The following SST variants were observed in gnomAD, a reference collection of about 807,000 sequenced individuals.
SST encodes the protein somatostatin, also known as growth hormone release-inhibiting factor.
A neutral mutation model predicts 10.4 loss-of-function variants in SST; 7 were observed. The ratio of observed to expected loss-of-function variants is 0.67; its 90% CI spans 0.38 to 1.26. The LOEUF (loss-of-function observed/expected upper bound fraction) is 1.26, where lower values mean the gene tolerates loss of function less well. Among genes scored for constraint, SST ranks in the 50% most tolerant of loss-of-function variants. The probability of loss-of-function intolerance (pLI) is 0.02; values close to 1 mark genes in which losing one functional copy is unlikely to be tolerated. For missense variants in SST, 145 were observed against 140.8 expected (o/e 1.03, Z -0.15); for synonymous variants, 63 against 63.9 (o/e 0.99, Z 0.07).
rs773864919 is a variant in SST, at chr3:187,670,256, C to A, written c.36G>T (p.Ala12=). ...AGCCCAGGGCCAGGACGATGGACAGCGCAGCCAGCGCGCACTGGAGGCGGC... is the reference window on the plus strand; with the variant it reads ...AGCCCAGGGCCAGGACGATGGACAGAGCAGCCAGCGCGCACTGGAGGCGGC... ...LSCRLQCALA[A]LSIVLALGCV... The change falls in exon 1 of 2, where the codon GCG becomes GCT. Residue 12 remains alanine, a synonymous_variant. Coordinates refer to ENST00000287641, the MANE Select transcript of SST (RefSeq NM_001048.4). 2 of 1,592,808 alleles carry A rather than the reference C, an allele frequency of 1.3e-6. No individual in the cohort carries two copies. The highest frequency in any genetic ancestry group is 1.3e-5 in the African/African-American group (1 of 74,700).
chr3:187,669,559 A>AC (rs1553826038), intron 1 of SST, among the ~76,000 whole-genome samples: 4 of 145,230 alleles, frequency 2.8e-5, no homozygotes, highest in South Asian at 4.4e-4. Flanking sequence ...CACACGCACA[A>AC]ACACACACAC....
intron 1 of SST, 146 bp from the exon 2 acceptor site, chr3:187,669,423 A>T: frequency 1.4e-6 from 1 of 724,698 alleles, no homozygotes; most frequent in Non-Finnish European, 2.3e-6. Flanking sequence ...CACATTTAAA[A>T]TCAATCAAGG....
At chr3:187,669,481 G>T (rs895114618) in intron 1 of SST, among the ~76,000 whole-genome samples, 1 of 151,170 alleles carries the variant, frequency 6.6e-6, no homozygotes, top group East Asian at 1.9e-4. Context: ...ACACAAAAAG[G>T]CTTTAAGAGC....
In SST at chr3:187,670,320, G is replaced by A. The variant is rs1717210319; in HGVS notation, c.-29C>T. On this transcript the variant is annotated 5_prime_UTR_variant, in exon 1 of 2. Coordinates refer to ENST00000287641, the MANE Select transcript of SST (RefSeq NM_001048.4). ...GGCGCCGCGAAAGCCGAGCTGGAGA[G>A]TGGCTGGTCAAACTCTAGGCGCGGA... 2 of 1,556,766 alleles carry A rather than the reference G, an allele frequency of 1.3e-6. No homozygotes were observed. The highest frequency in any genetic ancestry group is 1.4e-5 in the African/African-American group (1 of 73,598).
Position 187,670,278 on chromosome 3 carries a change from C to A in SST, c.14G>T (p.Arg5Leu). MLSC[R>L]LQCALAALSI... ...CAGCGCAGCCAGCGCGCACTGGAGG[C>A]GGCAGGACAGCATCTCGGCGCCGCG... The change falls in exon 1 of 2, where the codon CGC becomes CTC. Residue 5 changes from arginine to leucine, a missense_variant. Arg to Leu is a moderately radical substitution (Grantham distance 102, BLOSUM62 -2). Transcript: ENST00000287641. The A allele has an allele frequency of 1.3e-6, 2 of 1,588,078 alleles. No homozygotes were observed. Among genetic ancestry groups the A allele is most frequent in the Non-Finnish European group, 1.7e-6 (2 of 1,167,136 alleles).
In SST at chr3:187,668,984, G is replaced by T; in HGVS notation, c.*81C>A. The T allele has an allele frequency of 7.7e-7, 1 of 1,305,678 alleles. No homozygotes were observed. Among genetic ancestry groups the T allele is most frequent in the South Asian group, 1.2e-5 (1 of 84,356 alleles). The allele number at this position is 1,305,678 out of a possible 1,614,324, so 80.9% of individuals were successfully genotyped here. A position where few individuals can be genotyped will look rare whatever the true frequency, so the allele number is the denominator to read the frequency against. ...TTTCTAATGCAAGGGTCTCGCTGAA[G>T]ACTTGGAGGATTAGGGAAGAGAGAT... On this transcript the variant is annotated 3_prime_UTR_variant, in exon 2 of 2. Coordinates refer to ENST00000287641, the MANE Select transcript of SST (RefSeq NM_001048.4).
At position 187,670,358 on chromosome 3, in the gene SST, A is replaced by T. The variant is rs761394025; in HGVS notation, c.-67T>A. On this transcript the variant is annotated 5_prime_UTR_variant, in exon 1 of 2. Transcript: ENST00000287641. ...CTCTAGGCGCGGATCAGCAGGCAGC[A>T]GCGATGGCTCCGAACCTCGCTCCTA... 2.2e-5 allele frequency: 34 copies of T among 1,514,014 alleles called. No individual in the cohort carries two copies. The Admixed American group carries it at 5.7e-4, about 25-fold the overall frequency. 93.8% of individuals were successfully genotyped at this position (1,514,014 alleles called of 1,614,324 possible).
chr3:187,669,758 T>C (rs1717194131), intron 1 of SST, among the ~76,000 whole-genome samples: 1 of 152,168 alleles, frequency 6.6e-6, no homozygotes, highest in Non-Finnish European at 1.5e-5. Flanking sequence ...CCCTTTGCCC[T>C]AGTCCCGACG....
At position 187,668,943 on chromosome 3, in the gene SST, T is replaced by C. The variant is rs1320955811; in HGVS notation, c.*122A>G. The C allele has an allele frequency of 4.6e-6, 4 of 876,678 alleles. No homozygotes were observed. The African/African-American group carries it at 6.7e-5, about 15-fold the overall frequency. The allele number at this position is 876,678 out of a possible 1,614,324, so 54.3% of individuals were successfully genotyped here. A position where few individuals can be genotyped will look rare whatever the true frequency, so the allele number is the denominator to read the frequency against. On this transcript the variant is annotated 3_prime_UTR_variant, in exon 2 of 2. Coordinates refer to ENST00000287641, the MANE Select transcript of SST (RefSeq NM_001048.4). ...ATAATTTCACCATAATTTTATTTTG[T>C]ATTTACAGTTTTCAGTTTCTAATGC...
In SST at chr3:187,669,145, T is replaced by C. The variant is rs1471784893; in HGVS notation, c.271A>G (p.Asn91Asp). 1 of 1,613,916 alleles carries C rather than the reference T, an allele frequency of 6.2e-7. No individual in the cohort carries two copies. Among genetic ancestry groups the C allele is most frequent in the Non-Finnish European group, 8.5e-7 (1 of 1,179,992 alleles). Residue 91 changes from asparagine to aspartate, a missense_variant, in exon 2 of 2, where the codon AAC (asparagine) becomes GAC (aspartate). Transcript: ENST00000287641. ...CGGGGTGCCATAGCCGGGTTTGAGT[T>C]AGCAGATCTCTGCAGCTCAAGCCTC... ...EMRLELQRSA[N>D]SNPAMAPRER...
In SST at chr3:187,669,206, A is replaced by G; in HGVS notation, c.210T>C (p.Pro70=). 1.9e-6 allele frequency: 3 copies of G among 1,613,998 alleles called. 1 individual carries two copies. The South Asian group carries it at 3.3e-5, about 18-fold the overall frequency. ...PNQTENDALE[P]EDLSQAAEQD... The stretch of plus-strand genomic sequence containing the variant: ...GCTCAGCAGCCTGGGACAGATCTTC[A>G]GGTTCCAGGGCATCATTCTCCGTCT... The change falls in exon 2 of 2, where the codon CCT becomes CCC. Residue 70 remains proline (P), a synonymous_variant. Transcript: ENST00000287641.
chr3:187,669,420 A>G (rs1579765854), intron 1 of SST, 143 bp from the exon 2 acceptor site: 5 of 727,102 alleles, frequency 6.9e-6, no homozygotes, highest in Non-Finnish European at 1.1e-5. Context: ...TGTCACATTT[A>G]AAATCAATCA....
Position 187,670,141 on chromosome 3 carries a change from G to A in SST, c.138+13C>T. ...GCTGGAGAATCCGGGAGACGTCGAG[G>A]GAGTCTCCTTACCTGCTTCCCCGCG... is the stretch of plus-strand genomic sequence containing the variant. On this transcript the variant is annotated intron_variant, in intron 1 of 1. Coordinates refer to ENST00000287641, the MANE Select transcript of SST (RefSeq NM_001048.4). The A allele has an allele frequency of 6.3e-7, 1 of 1,579,556 alleles. No homozygotes were observed. Among genetic ancestry groups the A allele is most frequent in the South Asian group, 1.2e-5 (1 of 85,892 alleles).
At chr3:187,669,961 T>A (rs567871447) in intron 1 of SST, among the ~76,000 whole-genome samples, 193 bp downstream of exon 1, 8 of 151,952 alleles carry the variant, frequency 5.3e-5, no homozygotes, top group African/African-American at 1.9e-4. Flanking sequence ...GCGCTTATCA[T>A]GGGGGAAAAA....
chr3:187,670,329 C>T lies in SST; in HGVS notation c.-38G>A. The T allele has an allele frequency of 6.5e-7, 1 of 1,547,616 alleles. No homozygotes were observed. The highest frequency in any genetic ancestry group is 2.4e-5 in the East Asian group (1 of 41,468). ...AAAGCCGAGCTGGAGAGTGGCTGGTCAAACTCTAGGCGCGGATCAGCAGGC... is the reference window on the plus strand; with the variant it reads ...AAAGCCGAGCTGGAGAGTGGCTGGTTAAACTCTAGGCGCGGATCAGCAGGC... On this transcript the variant is annotated 5_prime_UTR_variant, in exon 1 of 2. Coordinates refer to ENST00000287641, the MANE Select transcript of SST (RefSeq NM_001048.4).
chr3:187,669,363 C>T (rs891335739), intron 1 of SST, 86 bp from the exon 2 acceptor site: 3 of 1,315,272 alleles, frequency 2.3e-6, no homozygotes, highest in Non-Finnish European at 3.2e-6. Context: ...AATTAAAGAA[C>T]AGATTTGGTC....
Position 187,669,183 on chromosome 3 carries a change from T to TCAG in SST, c.230_232dup (p.Ala77dup). On this transcript the variant is annotated inframe_insertion, in exon 2 of 2. Coordinates refer to ENST00000287641, the MANE Select transcript of SST (RefSeq NM_001048.4). ...CAGCTCAAGCCTCATTTCATCCTGC[T>TCAG]CAGCAGCCTGGGACAGATCTTCAGG... The TCAG allele has an allele frequency of 6.2e-7, 1 of 1,614,008 alleles. No individual in the cohort carries two copies. Among genetic ancestry groups the TCAG allele is most frequent in the Non-Finnish European group, 8.5e-7 (1 of 1,180,032 alleles).
At position 187,669,057 on chromosome 3, in the gene SST, T is replaced by C; in HGVS notation, c.*8A>G. The stretch of plus-strand genomic sequence containing the variant: ...GAGGTCTGATATGGACAATACTAGT[T>C]AAGAAAGCTAACAGGATGTGAAAGT... On this transcript the variant is annotated 3_prime_UTR_variant, in exon 2 of 2. Transcript: ENST00000287641. 9 of 1,613,766 alleles carry C rather than the reference T, an allele frequency of 5.6e-6. No individual in the cohort carries two copies. Among genetic ancestry groups the C allele is most frequent in the Non-Finnish European group, 7.6e-6 (9 of 1,179,930 alleles).
chr3:187,669,118 C>G lies in SST; in HGVS notation c.298G>C (p.Glu100Gln), dbSNP rs1717176484. The change falls in exon 2 of 2, where the codon GAA becomes CAA. Residue 100 changes from glutamate (E) to glutamine (Q), a missense_variant. Physicochemically the swap from Glu to Gln is conservative, Grantham distance 29. Coordinates refer to ENST00000287641, the MANE Select transcript of SST (RefSeq NM_001048.4). ...AAATTCTTGCAGCCAGCTTTGCGTT[C>G]TCGGGGTGCCATAGCCGGGTTTGAG... ...ANSNPAMAPR[E>Q]RKAGCKNFFW... The G allele has an allele frequency of 1.9e-6, 3 of 1,613,784 alleles. No homozygotes were observed. Among genetic ancestry groups the G allele is most frequent in the Non-Finnish European group, 2.5e-6 (3 of 1,179,996 alleles).
Sources: allele counts gnomAD v4.1 joint callset (sites outside exome capture counted in the v4.1 genomes callset), GRCh38; gene constraint gnomAD v4.1.1; transcripts MANE v1.5; gene names NCBI Gene and HGNC (gene_info 2026-07-23, HGNC 2026-07-21).